Variants in SSC5D observed in about 807,000 individuals in gnomAD.
SSC5D encodes the protein scavenger receptor cysteine rich family member with 5 domains, also known as soluble scavenger receptor cysteine-rich domain-containing protein SSC5D.
In SSC5D, 106 loss-of-function variants were observed where a neutral mutation model predicts 104.6. The observed-to-expected ratio is 1.01, with a 90% CI of 0.87 to 1.19. The LOEUF is 1.19. Ranked by LOEUF, SSC5D falls within the 50% of genes most tolerant of loss-of-function variation. SSC5D has a pLI of 0.00. For missense variants in SSC5D, 1,993 were observed against 2,153.8 expected (o/e 0.93, Z 1.48); for synonymous variants, 860 against 883.5 (o/e 0.97, Z 0.47).
At chr19:55,509,401 G>A (rs1236379395) in intron 12 of SSC5D, among the ~76,000 whole-genome samples, 1 of 152,066 alleles carries the variant, frequency 6.6e-6, no homozygotes, top group Non-Finnish European at 1.5e-5. Context: ...TAAGGACATG[G>A]GCACAAAGAG....
At chr19:55,510,697 A>ATTTTTTC (rs901070667) in intron 12 of SSC5D, among the ~76,000 whole-genome samples, 1 of 149,444 alleles carries the variant, frequency 6.7e-6, no homozygotes, top group Non-Finnish European at 1.5e-5. Flanking sequence ...TCCCTGGACT[A>ATTTTTTC]TTTTTTCTTT....
intron 12 of SSC5D, among the ~76,000 whole-genome samples, chr19:55,510,359 GT>G (rs1036583281): frequency 4.6e-5 from 7 of 151,406 alleles, no homozygotes; most frequent in African/African-American, 1.7e-4. Flanking sequence ...CATCTTTTTG[GT>G]TTTTTTAGAT....
At chr19:55,517,123 G>C (rs994481002) in intron 13 of SSC5D, 101 bp from the exon 14 acceptor site, 11 of 1,123,996 alleles carry the variant, frequency 9.8e-6, no homozygotes, top group Admixed American at 2.4e-5. Flanking sequence ...TCGAGGCTCT[G>C]TGCCTTTCCA....
chr19:55,494,720 A>C lies in SSC5D; in HGVS notation c.1324A>C (p.Thr442Pro), dbSNP rs757780821. The change falls in exon 8 of 14, where the codon ACG becomes CCG. Residue 442 changes from threonine to proline, a missense_variant. By Grantham distance (38) the Thr-to-Pro change is conservative (BLOSUM62 -1). This residue lies in a region of SSC5D where 1,101 missense variants were observed against 1,085.0 expected (regional missense o/e 1.01). Coordinates refer to ENST00000389623, the MANE Select transcript of SSC5D (RefSeq NM_001144950.2). Reference sequence around the variant, plus strand: ...CACCATGACGAGCCAGGCTCCAGGGACGGCAGGCGTTTCACCTCCTCCAGC... The same window carrying C: ...CACCATGACGAGCCAGGCTCCAGGGCCGGCAGGCGTTTCACCTCCTCCAGC... ...PSTMTSQAPG[T>P]AGVSPPPASP... 1.2e-5 allele frequency: 19 copies of C among 1,550,220 alleles called. No individual in the cohort carries two copies. The African/African-American group carries it at 1.6e-4, about 13-fold the overall frequency.
At chr19:55,515,396 CAAAAA>C (rs71181781) in intron 13 of SSC5D, among the ~76,000 whole-genome samples, 1 of 86,584 alleles carries the variant, frequency 1.2e-5, no homozygotes, top group Non-Finnish European at 2.0e-5. Context: ...AACTCCGTCT[CAAAAA>C]AAAAAAAAAA....
chr19:55,498,711 A>G (rs114641704), intron 9 of SSC5D, among the ~76,000 whole-genome samples: 6 of 152,240 alleles, frequency 3.9e-5, no homozygotes, highest in South Asian at 4.1e-4. Flanking sequence ...TGGTCTTTGA[A>G]TAGCTCACAG....
chr19:55,506,144 C>T (rs4801317), intron 12 of SSC5D, among the ~76,000 whole-genome samples: 10,216 of 151,736 alleles, frequency 0.067, 536 homozygotes, highest in East Asian at 0.19. Context: ...CCTTTTGCCA[C>T]GTAAAGTAAC....
chr19:55,491,035 C>T lies in SSC5D; in HGVS notation c.850C>T (p.Arg284Trp), dbSNP rs376072850. 2.6e-5 allele frequency: 41 copies of T among 1,550,204 alleles called. No individual in the cohort carries two copies. The African/African-American group carries it at 3.8e-4, about 14-fold the overall frequency. ...AGACTGCCCCCGAAGCCCCTGGGGCCGGAGCAACTGTGACCACAGCGAGGA... is the reference window on the plus strand; with the variant it reads ...AGACTGCCCCCGAAGCCCCTGGGGCTGGAGCAACTGTGACCACAGCGAGGA... Reference protein sequence around the residue: ...LRDCPRSPWGRSNCDHSEDAG... With the variant: ...LRDCPRSPWGWSNCDHSEDAG... Residue 284 changes from arginine to tryptophan, a missense_variant, in exon 6 of 14, where the codon CGG becomes TGG. Arg to Trp is a moderately radical substitution (Grantham distance 101). This residue lies in a region of SSC5D where 1,101 missense variants were observed against 1,085.0 expected (regional missense o/e 1.01). Coordinates refer to ENST00000389623, the MANE Select transcript of SSC5D (RefSeq NM_001144950.2).
chr19:55,502,636 A>G (rs1987535430), intron 12 of SSC5D, among the ~76,000 whole-genome samples: 1 of 151,034 alleles, frequency 6.6e-6, no homozygotes, highest in African/African-American at 2.4e-5. Flanking sequence ...TCTGTTTCTC[A>G]CTCCATTTTT....
chr19:55,490,144 G>A (rs1386531276), intron 4 of SSC5D, 149 bp downstream of exon 4: 2 of 623,536 alleles, frequency 3.2e-6, no homozygotes, highest in South Asian at 1.9e-5. Context: ...GAACTCCCAG[G>A]GGACACACAG....
intron 12 of SSC5D, chr19:55,504,045 G>T: frequency 1.4e-6 from 2 of 1,442,982 alleles, no homozygotes; most frequent in Non-Finnish European, 1.9e-6. Flanking sequence ...GAGGAAGCAG[G>T]CCCTAGAGGC....
At chr19:55,490,646 G>T in intron 5 of SSC5D, 126 bp from the exon 6 acceptor site, 1 of 1,162,920 alleles carries the variant, frequency 8.6e-7, no homozygotes, top group Non-Finnish European at 1.2e-6. Flanking sequence ...ACCTCTTCAC[G>T]GGCTGCCGGC....
intron 12 of SSC5D, among the ~76,000 whole-genome samples, chr19:55,512,178 T>A (rs484144): frequency 6.1e-5 from 9 of 148,626 alleles, no homozygotes; most frequent in East Asian, 2.0e-4. Context: ...CCATCCTGGG[T>A]GGCAGAGTGA....
At chr19:55,516,988 C>G (rs1010926911) in intron 13 of SSC5D, among the ~76,000 whole-genome samples, 13 of 152,128 alleles carry the variant, frequency 8.5e-5, no homozygotes, top group African/African-American at 2.4e-4. Context: ...CTCGGCATCC[C>G]CGAGTCCGGA....
chr19:55,495,646 C>T (rs879784370), intron 8 of SSC5D, among the ~76,000 whole-genome samples: 3 of 152,050 alleles, frequency 2.0e-5, no homozygotes, highest in Non-Finnish European at 4.4e-5. Flanking sequence ...TTGTGACTGA[C>T]GGTTCTCAAG....
chr19:55,513,132 C>T lies in SSC5D; in HGVS notation c.2907C>T (p.Ser969=), dbSNP rs190311542. Residue 969 remains serine, a synonymous_variant, in exon 13 of 14, where the codon AGC becomes AGT. Transcript: ENST00000389623. The part of the protein sequence containing the change: ...GPTLGAGTTR[S]PGSPPTLRVH... Reference sequence around the variant, plus strand: ...CTCTTGGGGCTGGCACCACCAGGAGCCCAGGCAGTCCTCCAACTCTGAGAG... The same window carrying T: ...CTCTTGGGGCTGGCACCACCAGGAGTCCAGGCAGTCCTCCAACTCTGAGAG... The T allele has an allele frequency of 1.1e-3, 1,739 of 1,535,376 alleles. 5 individuals are homozygous for T. The Middle Eastern group carries it at 0.013, about 11-fold the overall frequency.
intron 9 of SSC5D, among the ~76,000 whole-genome samples, chr19:55,499,456 T>C (rs1451289053): frequency 6.6e-6 from 1 of 152,086 alleles, no homozygotes; most frequent in Admixed American, 6.5e-5. Flanking sequence ...TCAGTAAGAA[T>C]TGACAGGGAG....
At position 55,489,972 on chromosome 19, in the gene SSC5D, C is replaced by T. The variant is rs373030566; in HGVS notation, c.452C>T (p.Thr151Met). The T allele has an allele frequency of 4.0e-5, 62 of 1,549,366 alleles. No homozygotes were observed. The highest frequency in any genetic ancestry group is 3.4e-4 in the Middle Eastern group (2 of 5,928). The change falls in exon 4 of 14, where the codon ACG (threonine) becomes ATG (methionine). Residue 151 changes from threonine to methionine, a missense_variant. Transcript: ENST00000389623. Reference protein sequence around the residue: ...PGLLLELSPSTEEPLVTHAPR... With the variant: ...PGLLLELSPSMEEPLVTHAPR... ...CTGTTGCTGGAGCTGAGCCCCAGCA[C>T]GGAGGAGCCCCTGGTGACACATGGT...
Position 55,488,491 on chromosome 19 carries a change from G to C in SSC5D, c.-99G>C. 3 of 1,150,218 alleles carry C rather than the reference G, an allele frequency of 2.6e-6. No individual in the cohort carries two copies. The highest frequency in any genetic ancestry group is 3.8e-6 in the Non-Finnish European group (3 of 794,366). 71.3% of individuals were successfully genotyped at this position (1,150,218 alleles called of 1,614,324 possible). The stretch of plus-strand genomic sequence containing the variant: ...TCCTCCTCGGGCCTGGGCGCCTCCA[G>C]CAGGCACTTCCCTCCCTCCCTCTCT... On this transcript the variant is annotated 5_prime_UTR_variant, in exon 1 of 14. Coordinates refer to ENST00000389623, the MANE Select transcript of SSC5D (RefSeq NM_001144950.2).
Sources: gnomAD v4.1 joint callset for allele counts (sites outside exome capture counted in the v4.1 genomes callset) on GRCh38, gnomAD v4.1.1 for gene constraint, gnomAD v4.1.1 regional missense constraint, MANE v1.5 for transcripts, NCBI Gene and HGNC (gene_info 2026-07-23, HGNC 2026-07-21) for gene names.